Variants in SNX29 observed in about 807,000 individuals in gnomAD.
SNX29 encodes sorting nexin 29, also known as sorting nexin-29.
Under a neutral mutation model 102.1 loss-of-function variants are expected in SNX29, and 78 were observed. The observed-to-expected ratio is 0.76, with a 90% CI of 0.64 to 0.92. The LOEUF (loss-of-function observed/expected upper bound fraction) is 0.92, where lower values mean the gene tolerates loss of function less well. SNX29 is among the 40% of genes least tolerant of loss of function. SNX29 has a pLI of 0.00. For missense variants in SNX29, 1,280 were observed against 1,061.7 expected, an observed-to-expected ratio of 1.21 and a Z score of -2.86; for synonymous variants, 580 against 414.5, an observed-to-expected ratio of 1.40 and a Z score of -4.85.
At chr16:12,299,633 T>G (rs540148388) in intron 15 of SNX29, among the ~76,000 whole-genome samples, 2 of 152,300 alleles carry the variant, frequency 1.3e-5, no homozygotes, top group South Asian at 4.1e-4. Flanking sequence ...GGCTATTGTT[T>G]CTAGGCCTTT....
chr16:12,169,711 A>G (rs955761369), intron 13 of SNX29, among the ~76,000 whole-genome samples: 1 of 152,086 alleles, frequency 6.6e-6, no homozygotes, highest in Admixed American at 6.5e-5. Context: ...AATACAAAAA[A>G]TTAGCCGGGA....
intron 18 of SNX29, among the ~76,000 whole-genome samples, chr16:12,457,919 C>T (rs1159970827): frequency 5.3e-5 from 8 of 152,210 alleles, no homozygotes; most frequent in Admixed American, 3.9e-4. Context: ...ATGACTAATA[C>T]ATCTCTTTAA....
intron 3 of SNX29, among the ~76,000 whole-genome samples, chr16:12,020,884 A>G (rs1264536644): frequency 6.6e-6 from 1 of 152,074 alleles, no homozygotes; most frequent in Non-Finnish European, 1.5e-5. Flanking sequence ...TCGGCCTCCC[A>G]AAGTGCTGGG....
chr16:12,328,996 G>A (rs2151203622), intron 15 of SNX29, among the ~76,000 whole-genome samples: 2 of 152,090 alleles, frequency 1.3e-5, no homozygotes, highest in Middle Eastern at 6.8e-3. Context: ...CCCTGGCCAG[G>A]CATGATGGCT....
intron 11 of SNX29, among the ~76,000 whole-genome samples, chr16:12,099,016 C>T (rs1156620145): frequency 6.6e-6 from 1 of 152,120 alleles, no homozygotes; most frequent in Admixed American, 6.5e-5. Flanking sequence ...GAGTGGGGAC[C>T]TACTTCATGT....
intron 20 of SNX29, among the ~76,000 whole-genome samples, chr16:12,527,616 G>T (rs2076821532): frequency 6.6e-6 from 1 of 152,088 alleles, no homozygotes; most frequent in Admixed American, 6.5e-5. Flanking sequence ...ATTTCATAGT[G>T]TTGAGGAAAG....
rs140827297 is a variant in SNX29, at chr16:12,047,483, A to G, written c.500-889A>G. 3.3e-3 allele frequency among the ~76,000 whole-genome samples: 502 copies of G among 152,310 alleles called. 3 individuals are homozygous for G. Among genetic ancestry groups the G allele is most frequent in the African/African-American group, 0.011 (465 of 41,570 alleles). On this transcript the variant is annotated intron_variant, in intron 6 of 20. Transcript: ENST00000566228. ...ATGCCAAGTGTAAGTTTCTGTCCAC[A>G]GTAATGATGATGATGTTAACCAGTG... is the stretch of plus-strand genomic sequence containing the variant.
At chr16:12,014,841 T>C (rs2056795099) in intron 3 of SNX29, among the ~76,000 whole-genome samples, 1 of 152,118 alleles carries the variant, frequency 6.6e-6, no homozygotes, top group Non-Finnish European at 1.5e-5. Context: ...CAAAGATTAA[T>C]TTGATTATTT....
intron 3 of SNX29, among the ~76,000 whole-genome samples, chr16:12,019,248 C>T (rs1051292724): frequency 6.6e-6 from 1 of 152,140 alleles, no homozygotes. Flanking sequence ...CGCTCTGTCA[C>T]CCAGGCTGGA....
intron 3 of SNX29, among the ~76,000 whole-genome samples, chr16:12,008,516 G>A (rs1392126835): frequency 2.6e-5 from 4 of 151,876 alleles, no homozygotes; most frequent in Admixed American, 6.6e-5. Flanking sequence ...TGATCCTCCC[G>A]CCTCGGCCTC....
intron 20 of SNX29, among the ~76,000 whole-genome samples, 170 bp downstream of exon 20, chr16:12,525,011 G>A (rs556672264): frequency 2.0e-5 from 3 of 152,280 alleles, no homozygotes; most frequent in South Asian, 2.1e-4. Context: ...GGGTCTCAGC[G>A]CTTTGGAGCT....
In SNX29 at chr16:12,540,739, G is replaced by A. The variant is rs766379140; in HGVS notation, c.2318+15898G>A. On this transcript the variant is annotated intron_variant, in intron 20 of 20. Transcript: ENST00000566228. ...CAGGGATGAAGAGCTGGGCATCCTT[G>A]GGGCACCATTGATCTTACCGCCACC... is the stretch of plus-strand genomic sequence containing the variant. Among the ~76,000 whole-genome samples the A allele has an allele frequency of 9.9e-4, 151 of 152,314 alleles. 1 individual carries two copies. Among genetic ancestry groups the A allele is most frequent in the Non-Finnish European group, 1.5e-3 (102 of 68,026 alleles).
chr16:12,324,239 C>G (rs1458554340), intron 15 of SNX29, among the ~76,000 whole-genome samples: 1 of 151,790 alleles, frequency 6.6e-6, no homozygotes, highest in East Asian at 1.9e-4. Context: ...AACTGAGCAG[C>G]CCATCACCAC....
At chr16:12,521,979 G>C (rs544379305) in intron 19 of SNX29, among the ~76,000 whole-genome samples, 1 of 152,294 alleles carries the variant, frequency 6.6e-6, no homozygotes, top group South Asian at 2.1e-4. Context: ...CACCCCTCTG[G>C]AGGAAGGTCC....
chr16:12,269,397 A>ATGT (rs1243913563), intron 14 of SNX29, among the ~76,000 whole-genome samples: 1 of 152,220 alleles, frequency 6.6e-6, no homozygotes, highest in East Asian at 1.9e-4. Flanking sequence ...TGAGATTTTG[A>ATGT]TGTGAAAATA....
At chr16:12,026,095 A>C (rs993933197) in intron 3 of SNX29, among the ~76,000 whole-genome samples, 3 of 152,322 alleles carry the variant, frequency 2.0e-5, no homozygotes, top group African/African-American at 7.2e-5. Flanking sequence ...TGGGTGGAGC[A>C]GCAAATGCCC....
intron 14 of SNX29, among the ~76,000 whole-genome samples, chr16:12,229,621 A>G (rs1033813567): frequency 2.0e-5 from 3 of 151,212 alleles, no homozygotes; most frequent in Non-Finnish European, 4.4e-5. Flanking sequence ...TGACTGTCAC[A>G]TGATGTTTAA....
intron 12 of SNX29, among the ~76,000 whole-genome samples, chr16:12,127,956 G>T (rs531437593): frequency 1.8e-4 from 28 of 152,110 alleles, no homozygotes; most frequent in Non-Finnish European, 2.5e-4. Flanking sequence ...GGGAGAGGGG[G>T]GTGTGTGTTC....
At chr16:12,326,816 G>A (rs2081134844) in intron 15 of SNX29, among the ~76,000 whole-genome samples, 1 of 152,210 alleles carries the variant, frequency 6.6e-6, no homozygotes, top group South Asian at 2.1e-4. Flanking sequence ...AGTGTGGTAG[G>A]GCATGGGCCA....
Sources: gnomAD v4.1 joint callset for allele counts (sites outside exome capture counted in the v4.1 genomes callset) on GRCh38, gnomAD v4.1.1 for gene constraint, MANE v1.5 for transcripts, NCBI Gene and HGNC (gene_info 2026-07-23, HGNC 2026-07-21) for gene names.